Variants in TPTE2 observed in about 807,000 individuals in gnomAD.
TPTE2 encodes the protein transmembrane phosphoinositide 3-phosphatase and tensin homolog 2.
Under a neutral mutation model 78.6 loss-of-function variants are expected in TPTE2, and 53 were observed. That is an observed-to-expected ratio of 0.67 (90% CI 0.54 to 0.85). The LOEUF (loss-of-function observed/expected upper bound fraction) is 0.85, where lower values mean the gene tolerates loss of function less well. Ranked by LOEUF, TPTE2 falls within the 40% of genes least tolerant of loss-of-function variation. TPTE2 has a pLI of 0.00. For missense variants in TPTE2, 461 were observed against 623.0 expected (o/e 0.74, Z 2.77); for synonymous variants, 175 against 206.2 (o/e 0.85, Z 1.30).
the TPTE2 span, among the ~76,000 whole-genome samples, chr13:19,554,109 C>T: frequency 2.6e-4 from 40 of 152,148 alleles, no homozygotes; most frequent in African/African-American, 9.7e-4. Flanking sequence ...GGCATGGTGG[C>T]TCACGCCTGT....
chr13:19,471,322 TG>T, intron 6 of TPTE2, among the ~76,000 whole-genome samples: 1 of 152,328 alleles, frequency 6.6e-6, no homozygotes, highest in African/African-American at 2.4e-5. Context: ...TTTTGTTATT[TG>T]TTTTCTGGTT....
intron 7 of TPTE2, among the ~76,000 whole-genome samples, chr13:19,466,731 T>C (rs1385159282): frequency 6.6e-6 from 1 of 152,230 alleles, no homozygotes; most frequent in Admixed American, 6.5e-5. Flanking sequence ...AAATTTTGCA[T>C]ATGCTCAAAT....
At chr13:19,433,436 G>A (rs1351456556) in intron 15 of TPTE2, among the ~76,000 whole-genome samples, 2 of 152,184 alleles carry the variant, frequency 1.3e-5, no homozygotes, top group Non-Finnish European at 2.9e-5. Flanking sequence ...CCAAGAGGTC[G>A]AGGTTGCAGT....
chr13:19,450,995 G>A (rs1878139729), intron 11 of TPTE2, among the ~76,000 whole-genome samples, 170 bp downstream of exon 14: 1 of 152,150 alleles, frequency 6.6e-6, no homozygotes, highest in Non-Finnish European at 1.5e-5. Flanking sequence ...GTGCTGCTGG[G>A]CTAACTCCCT....
chr13:19,456,795 T>G (rs760601677), intron 10 of TPTE2, among the ~76,000 whole-genome samples: 118 of 151,680 alleles, frequency 7.8e-4, no homozygotes, highest in Non-Finnish European at 1.1e-3. Context: ...TGGGTTTGAG[T>G]GTGTGTGTGT....
At chr13:19,498,567 G>A (rs1299774775) in intron 1 of TPTE2, among the ~76,000 whole-genome samples, 1 of 151,676 alleles carries the variant, frequency 6.6e-6, no homozygotes, top group Non-Finnish European at 1.5e-5. Flanking sequence ...AAGCGAAGGA[G>A]AAATAAAATA....
At chr13:19,456,991 A>C (rs1441829501) in intron 10 of TPTE2, among the ~76,000 whole-genome samples, 7 of 152,222 alleles carry the variant, frequency 4.6e-5, no homozygotes, top group African/African-American at 1.4e-4. Context: ...TCATAACAAA[A>C]GGACAAAAAG....
chr13:19,472,256 T>C (rs955080229), intron 6 of TPTE2, among the ~76,000 whole-genome samples: 2 of 152,184 alleles, frequency 1.3e-5, no homozygotes, highest in Non-Finnish European at 2.9e-5. Flanking sequence ...TGAATAAACT[T>C]TCTACACTCC....
intron 3 of TPTE2, among the ~76,000 whole-genome samples, chr13:19,483,885 C>T (rs1164907853): frequency 3.3e-5 from 5 of 151,834 alleles, no homozygotes; most frequent in African/African-American, 4.8e-5. Flanking sequence ...CCCATTAACT[C>T]GTCATTTACA....
chr13:19,532,824 C>T (rs1870966491), intron 1 of TPTE2, among the ~76,000 whole-genome samples: 1 of 152,216 alleles, frequency 6.6e-6, no homozygotes, highest in Non-Finnish European at 1.5e-5. Context: ...GAAACTGACA[C>T]AACCCCTACC....
intron 15 of TPTE2, among the ~76,000 whole-genome samples, chr13:19,434,666 A>T (rs1876935296): frequency 1.3e-5 from 2 of 152,104 alleles, no homozygotes; most frequent in African/African-American, 4.8e-5. Flanking sequence ...TTCTGGCCCA[A>T]ACTAAAGGTT....
At chr13:19,451,108 T>A (rs1748273774) in intron 11 of TPTE2, 57 bp downstream of exon 14, 6 of 1,586,402 alleles carry the variant, frequency 3.8e-6, no homozygotes, top group Non-Finnish European at 5.2e-6. Flanking sequence ...ATCATCTTCT[T>A]ACGTGCAGTA....
the TPTE2 span, among the ~76,000 whole-genome samples, chr13:19,556,866 G>A: frequency 1.4e-4 from 21 of 152,138 alleles, no homozygotes; most frequent in Non-Finnish European, 2.9e-4. Flanking sequence ...TTATACGCTG[G>A]AGACCATTTG....
the TPTE2 span, chr13:19,560,389 G>A: frequency 8.1e-6 from 13 of 1,608,394 alleles, no homozygotes; most frequent in Admixed American, 1.7e-5. Flanking sequence ...CAGGCCAGCT[G>A]CCCGTGCCCC....
rs1372724224 is a variant in TPTE2, at chr13:19,498,753, A to T, written c.11+4471T>A. On this transcript the variant is annotated intron_variant, in intron 1 of 19. Coordinates refer to ENST00000400230, the Ensembl canonical transcript of TPTE2. ...AAACTGCATCAACTAACGCGCAAAA[A>T]AACCAGCTAACATCATAATGACAGG... Among the ~76,000 whole-genome samples, 9 of 152,142 alleles carry T rather than the reference A, an allele frequency of 5.9e-5. 1 individual carries two copies. The highest frequency in any genetic ancestry group is 5.8e-4 in the East Asian group (3 of 5,164).
upstream of TPTE2, among the ~76,000 whole-genome samples, chr13:19,537,976 G>C (rs536001816): frequency 3.2e-4 from 48 of 152,184 alleles, 1 homozygote; most frequent in Admixed American, 9.2e-4. Flanking sequence ...TCAATAAGTA[G>C]ATTCATAAAT....
chr13:19,557,107 A>C, the TPTE2 span, among the ~76,000 whole-genome samples: 2 of 152,174 alleles, frequency 1.3e-5, no homozygotes, highest in African/African-American at 2.4e-5. Context: ...AAGCTGCCTA[A>C]GGGCAGGAAC....
At chr13:19,527,668 A>G (rs1870590496) in intron 1 of TPTE2, among the ~76,000 whole-genome samples, 1 of 152,146 alleles carries the variant, frequency 6.6e-6, no homozygotes, top group Non-Finnish European at 1.5e-5. Context: ...TGAGCTCAAG[A>G]GTTCCAGACC....
intron 10 of TPTE2, among the ~76,000 whole-genome samples, chr13:19,451,822 T>A (rs1878205241): frequency 9.4e-6 from 1 of 106,004 alleles, no homozygotes; most frequent in Non-Finnish European, 2.2e-5. Context: ...TGTGTGTGTG[T>A]GTGTGTGTGT....
Sources: allele counts gnomAD v4.1 joint callset (sites outside exome capture counted in the v4.1 genomes callset), GRCh38; gene constraint gnomAD v4.1.1; transcripts MANE v1.5; gene names NCBI Gene and HGNC (gene_info 2026-07-23, HGNC 2026-07-21).